Variants in UPF3A observed in about 807,000 individuals in gnomAD.
The protein encoded by UPF3A is regulator of nonsense transcripts 3A.
Under a neutral mutation model 53.5 loss-of-function variants are expected in UPF3A, and 42 were observed. That is an observed-to-expected ratio of 0.78 (90% CI 0.61 to 1.01). UPF3A has a LOEUF of 1.01. UPF3A is among the 50% of genes least tolerant of loss of function. The pLI is 0.00. For missense variants in UPF3A, 575 were observed against 598.0 expected (o/e 0.96, Z 0.40); for synonymous variants, 237 against 225.3 (o/e 1.05, Z -0.47).
chr13:114,286,974 G>T, intron 5 of UPF3A: 1 of 193,264 alleles, frequency 5.2e-6, no homozygotes, highest in Middle Eastern at 2.2e-3. Context: ...ACAGACGGAT[G>T]CCTCAAGAGC....
In UPF3A at chr13:114,304,787, A is replaced by G; in HGVS notation, c.1303-2A>G. ...GAGTAACATGCCCTCTTATCCTGGC[A>G]GGACCGGCCAGCCTTGCAGCTGTAT... On this transcript the variant is annotated splice_acceptor_variant, in intron 9 of 9. Transcript: ENST00000375299. LOFTEE classifies it high-confidence loss of function. 6.2e-7 allele frequency: 1 copy of G among 1,613,534 alleles called. No individual in the cohort carries two copies. Among genetic ancestry groups the G allele is most frequent in the Non-Finnish European group, 8.5e-7 (1 of 1,179,628 alleles).
intron 5 of UPF3A, chr13:114,287,584 C>T (rs760408447): frequency 1.3e-5 from 2 of 152,082 alleles, no homozygotes; most frequent in Non-Finnish European, 2.9e-5. Context: ...AGCGAGACTC[C>T]ATCTCAAAAA....
chr13:114,295,385 C>T (rs1474752283), intron 7 of UPF3A, among the ~76,000 whole-genome samples: 1 of 147,050 alleles, frequency 6.8e-6, no homozygotes, highest in African/African-American at 2.6e-5. Flanking sequence ...CTCCCCAGCT[C>T]GTCTCCAGCG....
At chr13:114,293,020 C>T (rs955461427) in intron 7 of UPF3A, among the ~76,000 whole-genome samples, 4 of 143,176 alleles carry the variant, frequency 2.8e-5, no homozygotes, top group African/African-American at 5.2e-5. Flanking sequence ...TGCAGTGAGC[C>T]GAGATCGCGC....
rs147914714 is a variant in UPF3A, at chr13:114,303,335, G to C, written c.1302+1310G>C. On this transcript the variant is annotated intron_variant, in intron 9 of 9. Transcript: ENST00000375299. ...CCTGGTGTTTCCCCCGACCTGAGGTGGGGGAGCATTTGCTCCTGTGTTTAG... is the reference window on the plus strand; with the variant it reads ...CCTGGTGTTTCCCCCGACCTGAGGTCGGGGAGCATTTGCTCCTGTGTTTAG... Among the ~76,000 whole-genome samples the C allele has an allele frequency of 4.2e-3, 643 of 152,228 alleles. 3 individuals are homozygous for C. The highest frequency in any genetic ancestry group is 0.017 in the Middle Eastern group (5 of 294).
Position 114,281,835 on chromosome 13 carries a change from G to A in UPF3A, c.196G>A (p.Ala66Thr), listed in dbSNP as rs74613026. 5.8e-6 allele frequency: 9 copies of A among 1,538,962 alleles called. No individual in the cohort carries two copies. The highest frequency in any genetic ancestry group is 7.0e-6 in the Non-Finnish European group (8 of 1,141,046). The change falls in exon 1 of 10, where the codon GCC becomes ACC. Residue 66 changes from alanine to threonine, a missense_variant. Ala to Thr is a moderately conservative substitution (Grantham distance 58). Around this residue, in one of 2 missense-constraint regions of UPF3A, gnomAD observed 252 missense variants for 182.7 expected, o/e 1.38. Transcript: ENST00000375299. ...AGKPREEKRT[A>T]LSKVVIRRLP... is the part of the protein sequence containing the mutation. ...CAAACCTCGCGAGGAGAAGAGGACGGCCCTGAGCAAGGTGGGGACGGGGGC... is the reference window on the plus strand; with the variant it reads ...CAAACCTCGCGAGGAGAAGAGGACGACCCTGAGCAAGGTGGGGACGGGGGC...
At chr13:114,285,417 A>T (rs2084584186) in intron 3 of UPF3A, 1 of 152,246 alleles carries the variant, frequency 6.6e-6, no homozygotes, top group South Asian at 2.1e-4. Context: ...GGTGACTTGG[A>T]CATCGTCCCT....
intron 7 of UPF3A, among the ~76,000 whole-genome samples, chr13:114,295,711 C>T (rs555724696): frequency 6.6e-6 from 1 of 152,280 alleles, no homozygotes; most frequent in South Asian, 2.1e-4. Context: ...ACAGCATTCC[C>T]CCTTGACCAC....
intron 7 of UPF3A, among the ~76,000 whole-genome samples, chr13:114,296,246 G>T (rs1004882876): frequency 1.3e-5 from 2 of 152,160 alleles, no homozygotes; most frequent in East Asian, 1.9e-4. Flanking sequence ...AGCCAGGCAT[G>T]GTGGCGCATG....
rs552819516 is a variant in UPF3A at position 114,291,661 on chromosome 13, CGGA to C, written c.723_725del (p.Arg242del). The C allele has an allele frequency of 1.9e-4, 311 of 1,603,446 alleles. No individual in the cohort carries two copies. The East Asian group carries it at 6.4e-3, about 33-fold the overall frequency. On this transcript the variant is annotated inframe_deletion, in exon 7 of 10. Coordinates refer to ENST00000375299, the MANE Select transcript of UPF3A (RefSeq NM_023011.4). ...AATTCGAGAAGAGAAGCGAGAAGAA[CGGA>C]GGAGGAGAGAGTTAGAAAAGAAACG...
intron 2 of UPF3A, 176 bp downstream of exon 2, chr13:114,282,303 A>G (rs956917659): frequency 3.6e-6 from 3 of 838,572 alleles, no homozygotes; most frequent in Admixed American, 3.3e-5. Flanking sequence ...AATACCACCA[A>G]CAAAGAAACA....
chr13:114,287,570 A>T (rs1226418379), intron 5 of UPF3A: 6 of 152,184 alleles, frequency 3.9e-5, no homozygotes, highest in African/African-American at 1.4e-4. Context: ...CAGCCTGGTG[A>T]CAGAGCGAGA....
At chr13:114,291,915 A>T (rs2085309885) in intron 7 of UPF3A, 123 bp downstream of exon 7, 2 of 1,267,686 alleles carry the variant, frequency 1.6e-6, no homozygotes, top group South Asian at 1.6e-5. Context: ...TTGTGTTGTT[A>T]TTTTTTTCCA....
chr13:114,295,901 G>C (rs79415320), intron 7 of UPF3A, among the ~76,000 whole-genome samples: 2,991 of 152,244 alleles, frequency 0.02, 52 homozygotes, highest in South Asian at 0.051. Context: ...GAGAGGACTA[G>C]GGGCTGGGGG....
chr13:114,295,384 T>C (rs1425648014), intron 7 of UPF3A, among the ~76,000 whole-genome samples: 2 of 146,980 alleles, frequency 1.4e-5, no homozygotes, highest in Non-Finnish European at 3.0e-5. Context: ...GCTCCCCAGC[T>C]CGTCTCCAGC....
chr13:114,302,877 G>A (rs1332543049), intron 9 of UPF3A, among the ~76,000 whole-genome samples: 1 of 152,152 alleles, frequency 6.6e-6, no homozygotes, highest in Non-Finnish European at 1.5e-5. Flanking sequence ...TGAGGCGGGT[G>A]GATCACCTGA....
chr13:114,297,433 A>T (rs1292464091), intron 7 of UPF3A, among the ~76,000 whole-genome samples: 1 of 152,200 alleles, frequency 6.6e-6, no homozygotes, highest in Non-Finnish European at 1.5e-5. Flanking sequence ...GCAGCCTTTT[A>T]AAAATTTTTT....
Position 114,286,385 on chromosome 13 carries a change from G to A in UPF3A, c.505G>A (p.Gly169Arg). 1 of 1,614,204 alleles carries A rather than the reference G, an allele frequency of 6.2e-7. No homozygotes were observed. The highest frequency in any genetic ancestry group is 8.5e-7 in the Non-Finnish European group (1 of 1,180,038). ...GCTGAGAAAAAAAGATGCCAAGACTGGAAGCATCGAAGATGGTGAGCCCTT... is the reference window on the plus strand; with the variant it reads ...GCTGAGAAAAAAAGATGCCAAGACTAGAAGCATCGAAGATGGTGAGCCCTT... ...KKLRKKDAKT[G>R]SIEDDPEYKK... The change falls in exon 4 of 10, where the codon GGA (glycine) becomes AGA (arginine). Residue 169 changes from glycine (G) to arginine (R), a missense_variant. Gly to Arg is a moderately radical substitution (Grantham distance 125). Transcript: ENST00000375299.
At chr13:114,283,185 T>TA (rs902460182) in intron 3 of UPF3A, 636 of 318,726 alleles carry the variant, frequency 2.0e-3, no homozygotes, top group Non-Finnish European at 2.5e-3. Context: ...TCGGCTGATT[T>TA]AAAAAAAAAA....
Sources: gnomAD v4.1 joint callset for allele counts (sites outside exome capture counted in the v4.1 genomes callset) on GRCh38, gnomAD v4.1.1 for gene constraint, gnomAD v4.1.1 regional missense constraint, MANE v1.5 for transcripts, NCBI Gene and HGNC (gene_info 2026-07-23, HGNC 2026-07-21) for gene names.